Variants in NTRK3 observed in about 807,000 individuals in gnomAD.
NTRK3 encodes the protein neurotrophic receptor tyrosine kinase 3.
NTRK3 carries 24 observed loss-of-function variants against 91.7 expected under a neutral mutation model. The observed-to-expected ratio is 0.26, with a 90% CI of 0.19 to 0.37. The LOEUF (loss-of-function observed/expected upper bound fraction) is 0.37, where lower values mean the gene tolerates loss of function less well. Among genes scored for constraint, NTRK3 ranks in the 10% least tolerant of loss-of-function variants. The probability of loss-of-function intolerance (pLI) is 1.00; values close to 1 mark genes in which losing one functional copy is unlikely to be tolerated. For synonymous variants in NTRK3, 483 were observed against 404.0 expected (o/e 1.20, Z -2.34); for missense variants, 880 against 1,068.9 (o/e 0.82, Z 2.46).
intron 13 of NTRK3, among the ~76,000 whole-genome samples, chr15:88,075,694 T>C (rs2047482563): frequency 6.6e-6 from 1 of 152,182 alleles, no homozygotes; most frequent in African/African-American, 2.4e-5. Flanking sequence ...CCAGCTGCAA[T>C]TTCTCTTGCT....
At chr15:87,936,531 A>G (rs903456592) in intron 15 of NTRK3, among the ~76,000 whole-genome samples, 1 of 142,726 alleles carries the variant, frequency 7.0e-6, no homozygotes, top group Non-Finnish European at 1.5e-5. Flanking sequence ...GCTGCCCTCC[A>G]TCTTACTTTC....
At chr15:88,151,110 G>C (rs1486013690) in intron 5 of NTRK3, among the ~76,000 whole-genome samples, 2 of 152,038 alleles carry the variant, frequency 1.3e-5, no homozygotes, top group African/African-American at 4.8e-5. Flanking sequence ...TTGGGTCAAT[G>C]GCCAGTTTCC....
chr15:88,038,033 G>T (rs1184707188), intron 13 of NTRK3, among the ~76,000 whole-genome samples: 3 of 152,186 alleles, frequency 2.0e-5, no homozygotes, highest in Non-Finnish European at 4.4e-5. Context: ...GACTGTGGGG[G>T]AAAGAATTTA....
intron 3 of NTRK3, among the ~76,000 whole-genome samples, chr15:88,226,636 G>A (rs980441847): frequency 5.9e-5 from 9 of 152,244 alleles, no homozygotes; most frequent in Non-Finnish European, 1.5e-5. Context: ...GGAGCACTGA[G>A]CCATCTCTGG....
chr15:88,043,545 C>A (rs1377710015), intron 13 of NTRK3, among the ~76,000 whole-genome samples: 2 of 152,218 alleles, frequency 1.3e-5, no homozygotes, highest in Non-Finnish European at 2.9e-5. Flanking sequence ...CTACAGTCCT[C>A]ATGCCTCCAC....
intron 3 of NTRK3, among the ~76,000 whole-genome samples, chr15:88,184,867 A>G (rs2046826287): frequency 6.6e-6 from 1 of 152,184 alleles, no homozygotes; most frequent in Admixed American, 6.5e-5. Context: ...TGGAGCTCAA[A>G]AAACCAATGG....
chr15:88,059,990 T>C (rs1305531911), intron 13 of NTRK3, among the ~76,000 whole-genome samples: 4 of 152,144 alleles, frequency 2.6e-5, no homozygotes, highest in African/African-American at 9.7e-5. Flanking sequence ...TACCTTGAGC[T>C]TGAACTCCAG....
chr15:88,092,529 G>A (rs908043151), intron 13 of NTRK3, among the ~76,000 whole-genome samples: 2 of 152,198 alleles, frequency 1.3e-5, no homozygotes, highest in African/African-American at 2.4e-5. Flanking sequence ...CCACAAGCCA[G>A]ACTGGCCAGA....
chr15:88,106,575 A>T (rs570688024), intron 13 of NTRK3, among the ~76,000 whole-genome samples: 1 of 152,172 alleles, frequency 6.6e-6, no homozygotes, highest in East Asian at 1.9e-4. Context: ...TTGTGTGAAA[A>T]AAATAGGTCA....
At chr15:88,066,955 C>T (rs1044800729) in intron 13 of NTRK3, among the ~76,000 whole-genome samples, 1 of 152,174 alleles carries the variant, frequency 6.6e-6, no homozygotes, top group Non-Finnish European at 1.5e-5. Context: ...CTCCACTGGC[C>T]CTTCCACATT....
intron 13 of NTRK3, among the ~76,000 whole-genome samples, chr15:88,109,560 C>T (rs1489643058): frequency 1.3e-5 from 2 of 152,184 alleles, no homozygotes; most frequent in Middle Eastern, 3.2e-3. Flanking sequence ...GAGCTTTTCC[C>T]GCCATGTTTT....
intron 14 of NTRK3, among the ~76,000 whole-genome samples, chr15:87,971,366 A>G (rs1044908022): frequency 2.0e-5 from 3 of 152,236 alleles, no homozygotes; most frequent in Admixed American, 1.3e-4. Context: ...GCTGTCAGGA[A>G]CTAGCAGTCT....
intron 14 of NTRK3, among the ~76,000 whole-genome samples, chr15:87,965,719 C>T (rs1424273772): frequency 2.0e-5 from 3 of 152,208 alleles, no homozygotes; most frequent in Non-Finnish European, 4.4e-5. Flanking sequence ...TTTGATTATG[C>T]CATTCTTTGA....
intron 13 of NTRK3, among the ~76,000 whole-genome samples, chr15:88,062,163 C>G (rs939277594): frequency 6.6e-6 from 1 of 152,136 alleles, no homozygotes; most frequent in Non-Finnish European, 1.5e-5. Context: ...CATTTTACAT[C>G]AGGGACTTGA....
intron 5 of NTRK3, among the ~76,000 whole-genome samples, chr15:88,171,795 CCTT>C (rs1416006558): frequency 6.6e-6 from 1 of 152,218 alleles, no homozygotes; most frequent in African/African-American, 2.4e-5. Context: ...TGGTGTTTTC[CCTT>C]CTTCTTTCTC....
chr15:87,972,120 G>T (rs1376983139), intron 14 of NTRK3, among the ~76,000 whole-genome samples: 2 of 152,120 alleles, frequency 1.3e-5, no homozygotes, highest in Admixed American at 1.3e-4. Flanking sequence ...GAACTTGAGG[G>T]CAAGGGAGGG....
At chr15:87,900,530 A>G (rs1432597147) in intron 17 of NTRK3, among the ~76,000 whole-genome samples, 1 of 152,214 alleles carries the variant, frequency 6.6e-6, no homozygotes, top group Non-Finnish European at 1.5e-5. Context: ...ACTTGGAATA[A>G]TGACATAGTT....
chr15:88,083,703 G>T (rs1004135019), intron 13 of NTRK3, among the ~76,000 whole-genome samples: 10 of 152,198 alleles, frequency 6.6e-5, no homozygotes, highest in African/African-American at 2.4e-4. Context: ...CACTGCAAGA[G>T]TTAGATGTTG....
At chr15:88,010,330 C>T in intron 14 of NTRK3, among the ~76,000 whole-genome samples, 1 of 152,170 alleles carries the variant, frequency 6.6e-6, no homozygotes, top group Non-Finnish European at 1.5e-5. Context: ...GTCCAGGGTC[C>T]TGGCTTGGAA....
Sources: gnomAD v4.1 joint callset for allele counts (sites outside exome capture counted in the v4.1 genomes callset) on GRCh38, gnomAD v4.1.1 for gene constraint, MANE v1.5 for transcripts, NCBI Gene and HGNC (gene_info 2026-07-23, HGNC 2026-07-21) for gene names.